The following CEBPZ variants were observed in gnomAD, a reference collection of about 807,000 sequenced individuals.
The protein encoded by CEBPZ is CCAAT/enhancer-binding protein zeta.
Under a neutral mutation model 104.5 loss-of-function variants are expected in CEBPZ, and 78 were observed. The observed-to-expected ratio is 0.75, with a 90% CI of 0.62 to 0.90. CEBPZ has a LOEUF of 0.90. Ranked by LOEUF, CEBPZ falls within the 40% of genes least tolerant of loss-of-function variation. The pLI is 0.00. For synonymous variants in CEBPZ, 470 were observed against 427.0 expected (o/e 1.10, Z -1.24); for missense variants, 1,439 against 1,233.5 (o/e 1.17, Z -2.50).
rs1375249340 is a variant in CEBPZ, at chr2:37,211,954, C to A, written c.2689G>T (p.Asp897Tyr). The change falls in exon 12 of 16, where the codon GAT becomes TAT. Residue 897 changes from aspartate (D) to tyrosine (Y), a missense_variant. Asp to Tyr is a radical substitution (Grantham distance 160). Coordinates refer to ENST00000234170, the MANE Select transcript of CEBPZ (RefSeq NM_005760.3). ...EGSDDELGNLDDDEVSLGSMD... is the reference protein window; with the variant it reads ...EGSDDELGNLYDDEVSLGSMD... ...CTTCCTAAAGAAACTTCATCGTCATCCAGGTTACCAAGTTCATCATCACTA... is the reference window on the plus strand; with the variant it reads ...CTTCCTAAAGAAACTTCATCGTCATACAGGTTACCAAGTTCATCATCACTA... 33 of 1,613,736 alleles carry A rather than the reference C, an allele frequency of 2.0e-5. No individual in the cohort carries two copies. Among genetic ancestry groups the A allele is most frequent in the Non-Finnish European group, 2.6e-5 (31 of 1,179,842 alleles).
intron 4 of CEBPZ, among the ~76,000 whole-genome samples, chr2:37,222,179 G>A (rs1238046027): frequency 1.3e-5 from 2 of 152,204 alleles, no homozygotes; most frequent in Non-Finnish European, 2.9e-5. Context: ...AGCTACTTGG[G>A]AGGTTGAGGC....
At position 37,228,565 on chromosome 2, in the gene CEBPZ, G is replaced by C; in HGVS notation, c.628C>G (p.Gln210Glu). Residue 210 changes from glutamine to glutamate, a missense_variant, in exon 2 of 16, where the codon CAG (glutamine) becomes GAG (glutamate). Transcript: ENST00000234170. ...TTGATTTCATGCTGATACAGCTTCT[G>C]AGCAAGGGTTTTGTACTTAGATACA... ...DVVSKYKTLA[Q>E]KLYQHEINLF... is the part of the protein sequence containing the mutation. 4 of 1,614,192 alleles carry C rather than the reference G, an allele frequency of 2.5e-6. No individual in the cohort carries two copies. Among genetic ancestry groups the C allele is most frequent in the Non-Finnish European group, 3.4e-6 (4 of 1,180,032 alleles).
Position 37,216,995 on chromosome 2 carries a change from T to C in CEBPZ, c.2197A>G (p.Thr733Ala). 1 of 1,612,544 alleles carries C rather than the reference T, an allele frequency of 6.2e-7. No homozygotes were observed. Among genetic ancestry groups the C allele is most frequent in the Non-Finnish European group, 8.5e-7 (1 of 1,178,672 alleles). The change falls in exon 6 of 16, where the codon ACC becomes GCC. Residue 733 changes from threonine to alanine, a missense_variant. Physicochemically the swap from Thr to Ala is moderately conservative, Grantham distance 58. Transcript: ENST00000234170. Reference sequence around the variant, plus strand: ...TATTTTAGACTCACCTGAAGGATGGTCTTTGCAAAAAGGGCCACGGAGGGA... The same window carrying C: ...TATTTTAGACTCACCTGAAGGATGGCCTTTGCAAAAAGGGCCACGGAGGGA... ...FHPSVALFAK[T>A]ILQGNYIQYS...
At chr2:37,225,072 T>A (rs78804141) in intron 2 of CEBPZ, among the ~76,000 whole-genome samples, 10 of 149,092 alleles carry the variant, frequency 6.7e-5, no homozygotes, top group East Asian at 2.0e-4. Context: ...ACAAACAAAC[T>A]AACAAAAACA....
rs11884797 is a variant in CEBPZ, at chr2:37,217,171, G to C, written c.2155-134C>G. 1.5e-3 allele frequency: 1,021 copies of C among 667,394 alleles called. 5 individuals carry two copies. In the African/African-American group the frequency reaches 0.017, roughly 11 times the overall value. 41.3% of individuals were successfully genotyped at this position (667,394 alleles called of 1,614,324 possible). A position where few individuals can be genotyped will look rare whatever the true frequency, so the allele number is the denominator to read the frequency against. On this transcript the variant is annotated intron_variant, in intron 5 of 15. Transcript: ENST00000234170. ...CCAGCACTTTGGGAGGCTCAGGCAG[G>C]CAGATTGCTTGAGCCCAGAAGTTGA...
chr2:37,202,964 C>A lies in CEBPZ; in HGVS notation c.2929G>T (p.Val977Leu). Residue 977 changes from valine (V) to leucine (L), a missense_variant, in exon 14 of 16, where the codon GTA (valine) becomes TTA (leucine). By Grantham distance (32) the Val-to-Leu change is conservative. Transcript: ENST00000234170. ...ATTAGCCTTACCTCTTCAGCAGATA[C>A]AAATAGGCTGGAATCATTTAAGTTT... is the stretch of plus-strand genomic sequence containing the variant. ...KRNLNDSSLF[V>L]SAEEFGHLLD... 1 of 1,571,570 alleles carries A rather than the reference C, an allele frequency of 6.4e-7. No individual in the cohort carries two copies. Among genetic ancestry groups the A allele is most frequent in the South Asian group, 1.2e-5 (1 of 82,396 alleles).
Position 37,217,016 on chromosome 2 carries a change from AGG to A in CEBPZ, c.2174_2175del (p.Pro725LeufsTer43). On this transcript the variant is annotated frameshift_variant, in exon 6 of 16. Transcript: ENST00000234170. LOFTEE classifies it high-confidence loss of function. ...ATGGTCTTTGCAAAAAGGGCCACGG[AGG>A]GATGAAAATGCACAGATAACTAAAA... Reference protein sequence around the residue: ...ELKKLSVHFHPSVALFAKTIL... With the variant: ...ELKKLSVHFHXSVALFAKTIL... 6.2e-7 allele frequency: 1 copy of A among 1,613,068 alleles called. No homozygotes were observed. The highest frequency in any genetic ancestry group is 1.3e-5 in the African/African-American group (1 of 75,014).
chr2:37,202,098 T>C (rs1250547674), intron 15 of CEBPZ, 195 bp from the exon 16 acceptor site: 2 of 400,542 alleles, frequency 5.0e-6, no homozygotes, highest in East Asian at 3.7e-5. Context: ...CAAAAAGAAA[T>C]GACTAAGGAA....
intron 4 of CEBPZ, 139 bp downstream of exon 4, chr2:37,222,241 G>A (rs1255754352): frequency 4.7e-6 from 3 of 640,458 alleles, no homozygotes; most frequent in African/African-American, 1.9e-5. Flanking sequence ...CCGAGATCAC[G>A]CCTCTGCATT....
rs1664933815 is a variant in CEBPZ at position 37,228,036 on chromosome 2, T to C, written c.1157A>G (p.Gln386Arg). 1.2e-6 allele frequency: 2 copies of C among 1,614,096 alleles called. No individual in the cohort carries two copies. The highest frequency in any genetic ancestry group is 1.7e-6 in the Non-Finnish European group (2 of 1,180,040). Residue 386 changes from glutamine to arginine, a missense_variant, in exon 2 of 16, where the codon CAA (glutamine) becomes CGA (arginine). Coordinates refer to ENST00000234170, the MANE Select transcript of CEBPZ (RefSeq NM_005760.3). ...AGGATCTCCCAGTTTATTTACCACTTGCACAAGAAGAGCCTTTTCTTCCTC... is the reference window on the plus strand; with the variant it reads ...AGGATCTCCCAGTTTATTTACCACTCGCACAAGAAGAGCCTTTTCTTCCTC... ...KPEEEKALLV[Q>R]VVNKLGDPQN... is the part of the protein sequence containing the mutation.
rs771560693 is a variant in CEBPZ at position 37,222,418 on chromosome 2, G to A, written c.2027C>T (p.Pro676Leu). The A allele has an allele frequency of 6.3e-7, 1 of 1,597,042 alleles. No individual in the cohort carries two copies. Among genetic ancestry groups the A allele is most frequent in the Non-Finnish European group, 8.5e-7 (1 of 1,174,554 alleles). The change falls in exon 4 of 16, where the codon CCA becomes CTA. Residue 676 changes from proline (P) to leucine (L), a missense_variant. By Grantham distance (98) the Pro-to-Leu change is moderately conservative. Coordinates refer to ENST00000234170, the MANE Select transcript of CEBPZ (RefSeq NM_005760.3). The stretch of plus-strand genomic sequence containing the variant: ...AAAGTGCACCCAGGAAGCAACCTCT[G>A]GTTTTTTGGTTTCTACATCAGTTTC... ...VPETDVETKK[P>L]EVASWVHFDN...
intron 5 of CEBPZ, among the ~76,000 whole-genome samples, chr2:37,217,983 T>C (rs1358539672): frequency 1.4e-5 from 2 of 146,636 alleles, no homozygotes; most frequent in African/African-American, 5.0e-5. Context: ...AAAATAATTA[T>C]GCAGCCAGGC....
At chr2:37,230,903 G>A (rs1400293003) in intron 1 of CEBPZ, among the ~76,000 whole-genome samples, 1 of 152,002 alleles carries the variant, frequency 6.6e-6, no homozygotes, top group Non-Finnish European at 1.5e-5. Flanking sequence ...ACTCCTTATC[G>A]TCCTTCCTTG....
chr2:37,202,977 A>G lies in CEBPZ; in HGVS notation c.2916T>C (p.Asp972=), dbSNP rs1367097891. 2.6e-6 allele frequency: 4 copies of G among 1,560,478 alleles called. No individual in the cohort carries two copies. In the African/African-American group the frequency reaches 5.5e-5, roughly 22 times the overall value. The change falls in exon 14 of 16, where the codon GAT becomes GAC. Residue 972 remains aspartate, a synonymous_variant. Coordinates refer to ENST00000234170, the MANE Select transcript of CEBPZ (RefSeq NM_005760.3). ...CTTCAGCAGATACAAATAGGCTGGA[A>G]TCATTTAAGTTTCTTTTCTTTTTTC... ...GPRKKKRNLN[D]SSLFVSAEEF...
intron 13 of CEBPZ, chr2:37,203,797 A>G (rs999417136): frequency 2.0e-5 from 3 of 152,338 alleles, no homozygotes; most frequent in African/African-American, 7.2e-5. Flanking sequence ...ATGGGATCAT[A>G]TGACATGTGG....
chr2:37,214,136 A>T (rs1677808571), intron 9 of CEBPZ, among the ~76,000 whole-genome samples, 175 bp from the exon 10 acceptor site: 1 of 152,220 alleles, frequency 6.6e-6, no homozygotes, highest in South Asian at 2.1e-4. Context: ...TAACTCAATA[A>T]AAAGTAGCTG....
intron 2 of CEBPZ, among the ~76,000 whole-genome samples, chr2:37,224,122 T>C (rs1245736071): frequency 1.3e-5 from 2 of 152,240 alleles, no homozygotes; most frequent in Non-Finnish European, 2.9e-5. Flanking sequence ...ATGCCTGTTA[T>C]TCACTGTTGT....
Position 37,212,366 on chromosome 2 carries a change from T to C in CEBPZ, c.2572A>G (p.Ser858Gly). Residue 858 changes from serine to glycine, a missense_variant, in exon 11 of 16, where the codon AGC becomes GGC. By Grantham distance (56) the Ser-to-Gly change is moderately conservative. Transcript: ENST00000234170. Reference sequence around the variant, plus strand: ...AAATCCATATCATCCTTTCCAGAGCTGAAACAGTTATCATCTTCAAATGTG... The same window carrying C: ...AAATCCATATCATCCTTTCCAGAGCCGAAACAGTTATCATCTTCAAATGTG... ...IDTFEDDNCFSSGKDDMDFAG... is the reference protein window; with the variant it reads ...IDTFEDDNCFGSGKDDMDFAG... The C allele has an allele frequency of 2.5e-6, 4 of 1,613,606 alleles. No homozygotes were observed. Among genetic ancestry groups the C allele is most frequent in the East Asian group, 2.2e-5 (1 of 44,818 alleles).
At chr2:37,211,137 A>C (rs1572497883) in intron 12 of CEBPZ, 55 bp from the exon 13 acceptor site, 2 of 1,146,922 alleles carry the variant, frequency 1.7e-6, no homozygotes, top group East Asian at 4.7e-5. Flanking sequence ...AGACTGGAAA[A>C]TATTACTCCA....
Sources: gnomAD v4.1 joint callset for allele counts (sites outside exome capture counted in the v4.1 genomes callset) on GRCh38, gnomAD v4.1.1 for gene constraint, MANE v1.5 for transcripts, NCBI Gene and HGNC (gene_info 2026-07-23, HGNC 2026-07-21) for gene names.